The following AHI1 variants were observed in gnomAD, a reference collection of about 807,000 sequenced individuals.
AHI1 encodes the protein Abelson helper integration site 1, also known as jouberin.
A neutral mutation model predicts 149.3 loss-of-function variants in AHI1; 123 were observed. The observed-to-expected ratio is 0.82, with a 90% CI of 0.71 to 0.96. AHI1 has a LOEUF of 0.96. AHI1 is among the 40% of genes least tolerant of loss of function. The pLI, the probability that AHI1 is intolerant of heterozygous loss-of-function variation, is 0.00. For missense variants in AHI1, 1,439 were observed against 1,422.7 expected, an observed-to-expected ratio of 1.01 and a Z score of -0.18; for synonymous variants, 475 against 459.8, an observed-to-expected ratio of 1.03 and a Z score of -0.42.
intron 23 of AHI1, among the ~76,000 whole-genome samples, chr6:135,363,982 G>A (rs1794435995): frequency 6.8e-6 from 1 of 147,238 alleles, no homozygotes; most frequent in Non-Finnish European, 1.5e-5. Flanking sequence ...GCGGCTGGCC[G>A]GGCAGAGGGG....
At chr6:135,428,447 A>C (rs1403467470) in intron 19 of AHI1, among the ~76,000 whole-genome samples, 182 bp downstream of exon 19, 1 of 151,652 alleles carries the variant, frequency 6.6e-6, no homozygotes, top group African/African-American at 2.4e-5. Context: ...TAGAGAACAA[A>C]ATTTAATACA....
intron 23 of AHI1, among the ~76,000 whole-genome samples, chr6:135,367,537 G>C (rs1265502228): frequency 1.3e-5 from 2 of 151,910 alleles, no homozygotes; most frequent in African/African-American, 4.8e-5. Flanking sequence ...ACTTCTGAGA[G>C]GCTTTGTTCA....
chr6:135,285,758 TA>T, intron 28 of AHI1, 111 bp from the exon 29 acceptor site: 1 of 890,402 alleles, frequency 1.1e-6, no homozygotes, highest in Non-Finnish European at 1.8e-6. Context: ...GGACATTGTG[TA>T]AAACACAAAC....
chr6:135,422,144 G>T (rs943913841), intron 20 of AHI1, among the ~76,000 whole-genome samples: 8 of 152,062 alleles, frequency 5.3e-5, no homozygotes, highest in African/African-American at 1.7e-4. Context: ...TATCTATATT[G>T]TACAGAAAAC....
At chr6:135,471,745 G>A (rs1171974619) in intron 5 of AHI1, among the ~76,000 whole-genome samples, 2 of 151,916 alleles carry the variant, frequency 1.3e-5, no homozygotes, top group Non-Finnish European at 2.9e-5. Flanking sequence ...GGGCGCGGTG[G>A]CTCACGCCTG....
intron 23 of AHI1, among the ~76,000 whole-genome samples, chr6:135,360,478 C>G (rs1793688964): frequency 6.6e-6 from 1 of 152,180 alleles, no homozygotes; most frequent in South Asian, 2.1e-4. Flanking sequence ...AACTGCAACT[C>G]TTTCCTACGT....
chr6:135,367,887 G>C (rs1402109847), intron 23 of AHI1, among the ~76,000 whole-genome samples: 2 of 152,062 alleles, frequency 1.3e-5, no homozygotes, highest in Non-Finnish European at 2.9e-5. Context: ...ATCCATTGCT[G>C]GTGAGCTAGT....
chr6:135,320,604 A>G (rs1404800974), intron 25 of AHI1, among the ~76,000 whole-genome samples: 2 of 152,280 alleles, frequency 1.3e-5, no homozygotes, highest in East Asian at 3.9e-4. Context: ...TTAGCTTTTT[A>G]ATTCACTGTA....
intron 23 of AHI1, among the ~76,000 whole-genome samples, chr6:135,394,100 G>A (rs1432723183): frequency 6.6e-6 from 1 of 151,908 alleles, no homozygotes; most frequent in Non-Finnish European, 1.5e-5. Context: ...AAAGATAATT[G>A]TTATTTTCAG....
chr6:135,348,517 T>C (rs1198184492), intron 24 of AHI1, among the ~76,000 whole-genome samples: 2 of 152,156 alleles, frequency 1.3e-5, no homozygotes. Flanking sequence ...ACACTGAAAT[T>C]ACTATTAAGT....
chr6:135,463,320 C>T lies in AHI1; in HGVS notation c.750-14G>A. On this transcript the variant is annotated splice_polypyrimidine_tract_variant and intron_variant, in intron 7 of 28. Transcript: ENST00000265602. ...ATGGTCAATGTACTACAAATATAATCCAAGTATCAGCCATTACAGATATAT... is the reference window on the plus strand; with the variant it reads ...ATGGTCAATGTACTACAAATATAATTCAAGTATCAGCCATTACAGATATAT... 6.3e-7 allele frequency: 1 copy of T among 1,579,142 alleles called. No individual in the cohort carries two copies. The highest frequency in any genetic ancestry group is 1.4e-5 in the African/African-American group (1 of 73,420).
At chr6:135,404,895 C>T in intron 22 of AHI1, 56 bp downstream of exon 22, 1 of 1,513,598 alleles carries the variant, frequency 6.6e-7, no homozygotes, top group Non-Finnish European at 9.2e-7. Context: ...CATTCCAGTT[C>T]TTTGGAGCAT....
intron 28 of AHI1, among the ~76,000 whole-genome samples, chr6:135,287,462 C>T (rs1238767500): frequency 1.3e-5 from 2 of 152,130 alleles, no homozygotes; most frequent in Admixed American, 1.3e-4. Flanking sequence ...CTGGCGGCTC[C>T]TCCTGACGAT....
At chr6:135,382,202 A>G (rs976961250) in intron 23 of AHI1, among the ~76,000 whole-genome samples, 1 of 152,240 alleles carries the variant, frequency 6.6e-6, no homozygotes, top group Non-Finnish European at 1.5e-5. Flanking sequence ...AAAAATGACC[A>G]GTCACGCATA....
rs573664871 is a variant in AHI1, at chr6:135,494,538, T to G, written c.-55+1276A>C. On this transcript the variant is annotated intron_variant, in intron 3 of 28. Transcript: ENST00000265602. ...TAAGAGTAAATCACTCACAGTGTTT[T>G]TATAAAGATTAAATGAGAATATGCA... Among the ~76,000 whole-genome samples the G allele has an allele frequency of 4.0e-4, 61 of 152,336 alleles. No individual in the cohort carries two copies. In the South Asian group the frequency reaches 0.013, roughly 32 times the overall value.
chr6:135,486,436 T>C (rs1354964230), intron 5 of AHI1, among the ~76,000 whole-genome samples: 1 of 152,220 alleles, frequency 6.6e-6, no homozygotes, highest in Non-Finnish European at 1.5e-5. Context: ...GCTTTTTTCC[T>C]TGTTATTTTT....
intron 27 of AHI1, among the ~76,000 whole-genome samples, chr6:135,291,153 A>C (rs1335807818): frequency 6.6e-6 from 1 of 152,200 alleles, no homozygotes; most frequent in African/African-American, 2.4e-5. Context: ...TGAAAAAAAA[A>C]GGAAAACTGA....
chr6:135,340,749 G>A (rs1790248195), intron 24 of AHI1, among the ~76,000 whole-genome samples: 1 of 137,760 alleles, frequency 7.3e-6, no homozygotes, highest in South Asian at 2.3e-4. Context: ...ACTTTGTAAA[G>A]AAATAGTTAT....
Position 135,465,879 on chromosome 6 carries a change from G to A in AHI1, c.684C>T (p.Asp228=). 6.5e-7 allele frequency: 1 copy of A among 1,540,624 alleles called. No homozygotes were observed. The change falls in exon 7 of 29, where the codon GAC becomes GAT. Residue 228 remains aspartate, a synonymous_variant. Coordinates refer to ENST00000265602, the MANE Select transcript of AHI1 (RefSeq NM_001134831.2). ...TTTTCCTTTTTTCACTGCTTAGTTT[G>A]TCATCATGGAATAAAGTATCTGAGG... ...YFPSDTLFHD[D]KLSSEKRKKK... is the part of the protein sequence containing the mutation.
Sources: allele counts gnomAD v4.1 joint callset (sites outside exome capture counted in the v4.1 genomes callset), GRCh38; gene constraint gnomAD v4.1.1; transcripts MANE v1.5; gene names NCBI Gene and HGNC (gene_info 2026-07-23, HGNC 2026-07-21).